BCKDHB: variants seen among roughly 807,000 people sequenced by gnomAD.
The protein encoded by BCKDHB is branched chain keto acid dehydrogenase E1 subunit beta, also known as 2-oxoisovalerate dehydrogenase subunit beta, mitochondrial.
In BCKDHB, 41 loss-of-function variants were observed where a neutral mutation model predicts 48.5. The observed-to-expected ratio is 0.85, with a 90% CI of 0.66 to 1.10. The LOEUF (loss-of-function observed/expected upper bound fraction) is 1.10, where lower values mean the gene tolerates loss of function less well. Ranked by LOEUF, BCKDHB falls within the 50% of genes least tolerant of loss-of-function variation. The pLI is 0.00. For synonymous variants in BCKDHB, 201 were observed against 174.8 expected, an observed-to-expected ratio of 1.15 and a Z score of -1.18; for missense variants, 496 against 494.2, an observed-to-expected ratio of 1.00 and a Z score of -0.03.
intron 1 of BCKDHB, 125 bp downstream of exon 1, chr6:80,107,014 T>C (rs915851383): frequency 4.7e-5 from 59 of 1,242,246 alleles, no homozygotes; most frequent in Non-Finnish European, 6.6e-5. Context: ...TTCCTGACTC[T>C]CTGGAACCTC....
rs146286393 is a variant in BCKDHB at position 80,178,195 on chromosome 6, A to G, written c.742+6805A>G. ...ACGTGGAGTCAGAGTTTAACTTTCT[A>G]TGGGTGGTTTGCCTGGGATGATGGG... On this transcript the variant is annotated intron_variant, in intron 6 of 9. Transcript: ENST00000320393. Among the ~76,000 whole-genome samples, 390 of 152,140 alleles carry G rather than the reference A, an allele frequency of 2.6e-3. 2 individuals carry two copies. The highest frequency in any genetic ancestry group is 8.9e-3 in the African/African-American group (370 of 41,518).
At chr6:80,146,970 G>A (rs910616943) in intron 3 of BCKDHB, among the ~76,000 whole-genome samples, 6 of 152,030 alleles carry the variant, frequency 3.9e-5, no homozygotes, top group Non-Finnish European at 8.8e-5. Flanking sequence ...AATACTGGGG[G>A]ACAATTAGCA....
At chr6:80,420,745 A>T in the BCKDHB span, among the ~76,000 whole-genome samples, 1 of 152,106 alleles carries the variant, frequency 6.6e-6, no homozygotes, top group Non-Finnish European at 1.5e-5. Context: ...GTCCCAGACT[A>T]TTCAGCTGTG....
At chr6:80,192,875 G>A (rs2127808523) in intron 6 of BCKDHB, among the ~76,000 whole-genome samples, 1 of 150,466 alleles carries the variant, frequency 6.6e-6, no homozygotes, top group South Asian at 2.1e-4. Flanking sequence ...CTGGAGTGCA[G>A]TGGTGTGATC....
intron 8 of BCKDHB, among the ~76,000 whole-genome samples, chr6:80,270,578 A>G (rs1262320820): frequency 1.3e-5 from 2 of 152,130 alleles, no homozygotes; most frequent in Non-Finnish European, 2.9e-5. Context: ...TTCTGGAATT[A>G]TTTCCATATC....
At chr6:80,163,507 C>T (rs954165201) in intron 3 of BCKDHB, among the ~76,000 whole-genome samples, 1 of 152,066 alleles carries the variant, frequency 6.6e-6, no homozygotes, top group Admixed American at 6.5e-5. Flanking sequence ...GCTTGTTTTC[C>T]TTCTCAACTT....
chr6:80,263,891 CCAGA>C (rs1385641924), intron 8 of BCKDHB, among the ~76,000 whole-genome samples: 4 of 152,006 alleles, frequency 2.6e-5, no homozygotes, highest in African/African-American at 9.7e-5. Flanking sequence ...GTTATGATGG[CCAGA>C]CATAGTATTT....
At chr6:80,212,444 T>C (rs938274688) in intron 8 of BCKDHB, among the ~76,000 whole-genome samples, 1 of 152,180 alleles carries the variant, frequency 6.6e-6, no homozygotes, top group African/African-American at 2.4e-5. Flanking sequence ...GTGGCTCTTT[T>C]TGCCCGACCC....
At chr6:80,404,494 TG>T in the BCKDHB span, among the ~76,000 whole-genome samples, 1 of 151,922 alleles carries the variant, frequency 6.6e-6, no homozygotes, top group Non-Finnish European at 1.5e-5. Flanking sequence ...TTGTCTATTT[TG>T]CTCACCTTTT....
the BCKDHB span, among the ~76,000 whole-genome samples, chr6:80,432,229 C>T: frequency 2.6e-5 from 4 of 152,038 alleles, no homozygotes; most frequent in Non-Finnish European, 5.9e-5. Flanking sequence ...GTTGGCCTGC[C>T]TTGCTAGGTT....
the BCKDHB span, among the ~76,000 whole-genome samples, chr6:80,415,013 G>A: frequency 6.6e-6 from 1 of 151,798 alleles, no homozygotes. Flanking sequence ...GTGTGTGTGT[G>A]TGTGTGTGTG....
At chr6:80,258,745 T>C in intron 8 of BCKDHB, among the ~76,000 whole-genome samples, 1 of 150,586 alleles carries the variant, frequency 6.6e-6, no homozygotes, top group East Asian at 1.9e-4. Context: ...TTGATGAGAG[T>C]TAGTAAAAAA....
In BCKDHB at chr6:80,281,990, T is replaced by C. The variant is rs1328730559; in HGVS notation, c.1038+8769T>C. 2.0e-5 allele frequency among the ~76,000 whole-genome samples: 3 copies of C among 152,246 alleles called. No individual in the cohort carries two copies. In the East Asian group the frequency reaches 5.8e-4, roughly 29 times the overall value. On this transcript the variant is annotated intron_variant, in intron 9 of 9. Transcript: ENST00000320393. ...TCAATCATACTGTTACAGAGAAATA[T>C]ATTTGCATAAAATGGAAATTTTTGT...
chr6:80,441,530 C>T, the BCKDHB span, among the ~76,000 whole-genome samples: 1 of 152,194 alleles, frequency 6.6e-6, no homozygotes, highest in African/African-American at 2.4e-5. Flanking sequence ...TTGCCTGACA[C>T]TTTAGATTTA....
chr6:80,403,536 T>C, the BCKDHB span, among the ~76,000 whole-genome samples: 37 of 152,068 alleles, frequency 2.4e-4, no homozygotes, highest in South Asian at 6.2e-4. Context: ...AGAGGGAGTT[T>C]CACTTCTTCT....
the BCKDHB span, among the ~76,000 whole-genome samples, chr6:80,434,754 A>G: frequency 3.3e-5 from 5 of 152,030 alleles, no homozygotes; most frequent in Non-Finnish European, 7.4e-5. Context: ...CCAATTTCCT[A>G]TATATTATGA....
chr6:80,245,690 C>T (rs894101364), intron 8 of BCKDHB, among the ~76,000 whole-genome samples: 1 of 152,114 alleles, frequency 6.6e-6, no homozygotes, highest in Non-Finnish European at 1.5e-5. Context: ...TAGAACACCA[C>T]GAAGGAGCAG....
intron 9 of BCKDHB, among the ~76,000 whole-genome samples, chr6:80,309,601 T>TTGTC (rs1449512442): frequency 6.6e-6 from 1 of 152,146 alleles, no homozygotes; most frequent in African/African-American, 2.4e-5. Flanking sequence ...GTTTGTTTGT[T>TTGTC]TGTTTGTTTG....
the BCKDHB span, among the ~76,000 whole-genome samples, chr6:80,445,443 G>T: frequency 6.6e-6 from 1 of 152,130 alleles, no homozygotes; most frequent in Non-Finnish European, 1.5e-5. Context: ...TAAGACTGTT[G>T]GTGAGTGCTG....
Sources: gnomAD v4.1 joint callset for allele counts (sites outside exome capture counted in the v4.1 genomes callset) on GRCh38, gnomAD v4.1.1 for gene constraint, MANE v1.5 for transcripts, NCBI Gene and HGNC (gene_info 2026-07-23, HGNC 2026-07-21) for gene names.